Variants in SLC22A23 observed in about 807,000 individuals in gnomAD.
The protein encoded by SLC22A23 is solute carrier family 22 member 23, also known as ion transporter protein.
SLC22A23 carries 26 observed loss-of-function variants against 61.0 expected under a neutral mutation model. That is an observed-to-expected ratio of 0.43 (90% CI 0.31 to 0.59). The LOEUF is 0.59. SLC22A23 is among the 20% of genes least tolerant of loss of function. The probability of loss-of-function intolerance (pLI) is 0.11; values close to 1 mark genes in which losing one functional copy is unlikely to be tolerated. For missense variants in SLC22A23, 796 were observed against 934.7 expected, an observed-to-expected ratio of 0.85 and a Z score of 1.94; for synonymous variants, 430 against 413.9, an observed-to-expected ratio of 1.04 and a Z score of -0.47.
At position 3,286,959 on chromosome 6, in the gene SLC22A23, G is replaced by A; in HGVS notation, c.1446C>T (p.Ala482=). 1 of 1,614,108 alleles carries A rather than the reference G, an allele frequency of 6.2e-7. No individual in the cohort carries two copies. Among genetic ancestry groups the A allele is most frequent in the Non-Finnish European group, 8.5e-7 (1 of 1,180,040 alleles). ...TASIALVSCL[A]MCVVVRFLGR... ...CGAGGAATCGGACCACCACGCACAT[G>A]GCCAGGCAGGACACCAGCGCGATGC... Residue 482 remains alanine (A), a synonymous_variant, in exon 7 of 10, where the codon GCC becomes GCT. Coordinates refer to ENST00000406686, the MANE Select transcript of SLC22A23 (RefSeq NM_015482.2). The surrounding 1 kb of genome is among the most constrained non-coding windows in gnomAD (Gnocchi z 4.2).
intron 8 of SLC22A23, among the ~76,000 whole-genome samples, chr6:3,284,366 A>G (rs1436112081): frequency 2.6e-5 from 4 of 152,226 alleles, no homozygotes; most frequent in Non-Finnish European, 5.9e-5. Flanking sequence ...TAGCTGAGTC[A>G]GGGTTGATTT....
chr6:3,382,911 T>C (rs1453605023), intron 3 of SLC22A23, among the ~76,000 whole-genome samples: 2 of 152,236 alleles, frequency 1.3e-5, no homozygotes, highest in African/African-American at 2.4e-5. Context: ...AACTCACTCA[T>C]TGTTTACAGA....
rs369931674 is a variant in SLC22A23, at chr6:3,273,034, C to T, written c.*21G>A. On this transcript the variant is annotated 3_prime_UTR_variant, in exon 10 of 10. Coordinates refer to ENST00000406686, the MANE Select transcript of SLC22A23 (RefSeq NM_015482.2). Reference sequence around the variant, plus strand: ...GCCCAAGCTGCCCCAGACCCTGGAGCCCCGGGTTCCGCAGGCCGGGCTACA... The same window carrying T: ...GCCCAAGCTGCCCCAGACCCTGGAGTCCCGGGTTCCGCAGGCCGGGCTACA... 2.0e-5 allele frequency: 30 copies of T among 1,516,916 alleles called. No homozygotes were observed. The African/African-American group carries it at 3.9e-4, about 20-fold the overall frequency. 94.0% of individuals were successfully genotyped at this position (1,516,916 alleles called of 1,614,324 possible).
chr6:3,297,112 C>T lies in SLC22A23; in HGVS notation c.1210+979G>A, dbSNP rs1204153444. Reference sequence around the variant, plus strand: ...GTGTAACTTCCCTGTCTGTGTGCCCCACCTGCCTGCAAGTTACGTGAGAGC... The same window carrying T: ...GTGTAACTTCCCTGTCTGTGTGCCCTACCTGCCTGCAAGTTACGTGAGAGC... On this transcript the variant is annotated intron_variant, in intron 5 of 9. Coordinates refer to ENST00000406686, the MANE Select transcript of SLC22A23 (RefSeq NM_015482.2). This position sits in a 1 kb window ranked among gnomAD's most constrained non-coding sequence, Gnocchi z 4.3. Among the ~76,000 whole-genome samples, 1 of 152,224 alleles carries T rather than the reference C, an allele frequency of 6.6e-6. No individual in the cohort carries two copies. Among genetic ancestry groups the T allele is most frequent in the East Asian group, 1.9e-4 (1 of 5,198 alleles).
At chr6:3,300,063 T>G (rs1440701107) in intron 4 of SLC22A23, among the ~76,000 whole-genome samples, 1 of 130,840 alleles carries the variant, frequency 7.6e-6, no homozygotes, top group Non-Finnish European at 1.5e-5. Context: ...CAGGCTGGAG[T>G]GCAGTGGTGT....
chr6:3,402,079 C>T (rs1768429622), intron 3 of SLC22A23, among the ~76,000 whole-genome samples: 1 of 152,152 alleles, frequency 6.6e-6, no homozygotes, highest in South Asian at 2.1e-4. Context: ...AGGCAAGTCC[C>T]CTGGCCCTCC....
At chr6:3,367,114 A>C (rs910053843) in intron 3 of SLC22A23, among the ~76,000 whole-genome samples, 1 of 152,322 alleles carries the variant, frequency 6.6e-6, no homozygotes, top group Non-Finnish European at 1.5e-5. Context: ...TTTAGAGGGA[A>C]GTGTGTGTGT....
At chr6:3,344,672 G>A (rs1041334827) in intron 3 of SLC22A23, among the ~76,000 whole-genome samples, 26 of 152,388 alleles carry the variant, frequency 1.7e-4, no homozygotes, top group Middle Eastern at 3.4e-3. Flanking sequence ...GGAGGTAGAA[G>A]TGAACAGCGT....
rs1273721830 is a variant in SLC22A23, at chr6:3,297,048, C to T, written c.1210+1043G>A. On this transcript the variant is annotated intron_variant, in intron 5 of 9. Transcript: ENST00000406686. The surrounding 1 kb of genome is among the most constrained non-coding windows in gnomAD (Gnocchi z 4.3). ...GTAGTCCCTCCCTGCCACCCTCTAT[C>T]CCACAGCCCTGCTGTTTCATCCCTC... Among the ~76,000 whole-genome samples the T allele has an allele frequency of 6.6e-6, 1 of 152,246 alleles. No homozygotes were observed. Among genetic ancestry groups the T allele is most frequent in the Non-Finnish European group, 1.5e-5 (1 of 68,036 alleles).
chr6:3,310,265 C>T lies in SLC22A23; in HGVS notation c.1083-12047G>A, dbSNP rs552776581. On this transcript the variant is annotated intron_variant, in intron 4 of 9. Coordinates refer to ENST00000406686, the MANE Select transcript of SLC22A23 (RefSeq NM_015482.2). ...CTGTCTCCCAGGGAGCACCCTGTCT[C>T]CCACTGGAGCACCCTGTCTCCCAGG... Among the ~76,000 whole-genome samples, 969 of 147,554 alleles carry T rather than the reference C, an allele frequency of 6.6e-3. 4 individuals carry two copies. Among genetic ancestry groups the T allele is most frequent in the African/African-American group, 0.024 (923 of 38,808 alleles).
intron 3 of SLC22A23, among the ~76,000 whole-genome samples, chr6:3,361,296 CTTTT>C (rs60401285): frequency 0.035 from 5,006 of 145,076 alleles, 306 homozygotes; most frequent in African/African-American, 0.12. Context: ...CTACATCATT[CTTTT>C]TTTTTTTTTT....
chr6:3,290,212 G>C (rs1760452357), intron 5 of SLC22A23: 1 of 358,946 alleles, frequency 2.8e-6, no homozygotes, highest in African/African-American at 2.1e-5. Context: ...GCTCAGCGAT[G>C]ATATTCTAGG....
chr6:3,404,336 G>A (rs781490186), intron 3 of SLC22A23, among the ~76,000 whole-genome samples: 1 of 152,160 alleles, frequency 6.6e-6, no homozygotes, highest in Non-Finnish European at 1.5e-5. Flanking sequence ...GGGCAGATGG[G>A]TCTCAGTGAT....
In SLC22A23 at chr6:3,286,990, G is replaced by A. The variant is rs150075690; in HGVS notation, c.1415C>T (p.Thr472Met). The A allele has an allele frequency of 8.8e-5, 142 of 1,614,180 alleles. No individual in the cohort carries two copies. Among genetic ancestry groups the A allele is most frequent in the South Asian group, 2.3e-4 (21 of 91,082 alleles). Residue 472 changes from threonine to methionine, a missense_variant, in exon 7 of 10, where the codon ACG becomes ATG. Coordinates refer to ENST00000406686, the MANE Select transcript of SLC22A23 (RefSeq NM_015482.2). The surrounding 1 kb of genome is among the most constrained non-coding windows in gnomAD (Gnocchi z 4.2). ...GCAGGACACCAGCGCGATGCTGGCC[G>A]TGGTATAGTAGTCAGCATAGAAGTT... The part of the protein sequence containing the change: ...LENFYADYYT[T>M]ASIALVSCLA...
intron 1 of SLC22A23, among the ~76,000 whole-genome samples, chr6:3,422,328 A>AAC (rs1034842945): frequency 6.6e-6 from 1 of 152,152 alleles, no homozygotes; most frequent in Non-Finnish European, 1.5e-5. Flanking sequence ...AAATGGCAAG[A>AAC]ACACACACAC....
At chr6:3,447,550 T>C (rs916038493) in intron 1 of SLC22A23, among the ~76,000 whole-genome samples, 1 of 151,830 alleles carries the variant, frequency 6.6e-6, no homozygotes, top group Non-Finnish European at 1.5e-5. Context: ...GGCACTCAAA[T>C]CTGTGAAAAG....
chr6:3,401,541 A>G (rs772781115), intron 3 of SLC22A23, among the ~76,000 whole-genome samples: 2 of 152,242 alleles, frequency 1.3e-5, no homozygotes, highest in Non-Finnish European at 2.9e-5. Flanking sequence ...TAATCACTAC[A>G]TGGAATTAAA....
intron 1 of SLC22A23, among the ~76,000 whole-genome samples, chr6:3,448,604 C>T (rs1772027456): frequency 1.3e-5 from 2 of 152,186 alleles, no homozygotes; most frequent in Admixed American, 6.5e-5. Flanking sequence ...CGCCATTCTC[C>T]TGCCTCAGCC....
chr6:3,410,356 G>A lies in SLC22A23; in HGVS notation c.759-14C>T. 5 of 1,572,574 alleles carry A rather than the reference G, an allele frequency of 3.2e-6. No homozygotes were observed. The highest frequency in any genetic ancestry group is 4.3e-6 in the Non-Finnish European group (5 of 1,160,764). The stretch of plus-strand genomic sequence containing the variant: ...CGCCGGCCGACCCTGCATATGGAGA[G>A]GGAAAAAGTTAGGAATCATTGTGAA... On this transcript the variant is annotated splice_polypyrimidine_tract_variant and intron_variant, in intron 2 of 9. Coordinates refer to ENST00000406686, the MANE Select transcript of SLC22A23 (RefSeq NM_015482.2). This position sits in a 1 kb window ranked among gnomAD's most constrained non-coding sequence, Gnocchi z 5.0.
Sources: gnomAD v4.1 joint callset for allele counts (sites outside exome capture counted in the v4.1 genomes callset) on GRCh38, gnomAD v4.1.1 for gene constraint, Gnocchi (gnomAD v3.1) non-coding constraint, MANE v1.5 for transcripts, NCBI Gene and HGNC (gene_info 2026-07-23, HGNC 2026-07-21) for gene names.